The following CMTM3 variants were observed in gnomAD, a reference collection of about 807,000 sequenced individuals.
CMTM3 encodes CKLF-like MARVEL transmembrane domain-containing protein 3.
A neutral mutation model predicts 18.2 loss-of-function variants in CMTM3; 7 were observed. That is an observed-to-expected ratio of 0.38 (90% CI 0.22 to 0.72). The LOEUF is 0.72. Among genes scored for constraint, CMTM3 ranks in the 30% least tolerant of loss-of-function variants. The pLI is 0.46. For synonymous variants in CMTM3, 109 were observed against 111.2 expected, an observed-to-expected ratio of 0.98 and a Z score of 0.12; for missense variants, 227 against 249.2, an observed-to-expected ratio of 0.91 and a Z score of 0.60.
chr16:66,607,930 G>T (rs559342374), intron 1 of CMTM3, among the ~76,000 whole-genome samples: 4 of 151,496 alleles, frequency 2.6e-5, no homozygotes, highest in Non-Finnish European at 5.9e-5. Flanking sequence ...CTGCAGCCTC[G>T]ACCTCCCCGG....
Position 66,608,575 on chromosome 16 carries a change from C to A in CMTM3, c.303+111C>A. 1 of 1,123,546 alleles carries A rather than the reference C, an allele frequency of 8.9e-7. No individual in the cohort carries two copies. Among genetic ancestry groups the A allele is most frequent in the Non-Finnish European group, 1.3e-6 (1 of 789,200 alleles). 69.6% of individuals were successfully genotyped at this position (1,123,546 alleles called of 1,614,324 possible). A position where few individuals can be genotyped will look rare whatever the true frequency, so the allele number is the denominator to read the frequency against. The stretch of plus-strand genomic sequence containing the variant: ...CCTTTCTCTAGTGTGCTGGAGTTTG[C>A]AGTTGGTTAGAACTGGATGGAGAGA... On this transcript the variant is annotated intron_variant, in intron 2 of 4. Transcript: ENST00000567572. The surrounding 1 kb of genome is among the most constrained non-coding windows in gnomAD (Gnocchi z 5.1).
chr16:66,609,383 C>T lies in CMTM3; in HGVS notation c.304-52C>T. On this transcript the variant is annotated intron_variant, in intron 2 of 4. Transcript: ENST00000567572. This position sits in a 1 kb window ranked among gnomAD's most constrained non-coding sequence, Gnocchi z 4.4. ...CGACCAGGCTGCCAGGCCTCCTCCCCATGCTGTGCTCAGCTCCAGGGGCTC... is the reference window on the plus strand; with the variant it reads ...CGACCAGGCTGCCAGGCCTCCTCCCTATGCTGTGCTCAGCTCCAGGGGCTC... The T allele has an allele frequency of 6.6e-7, 1 of 1,522,616 alleles. No homozygotes were observed. Among genetic ancestry groups the T allele is most frequent in the Non-Finnish European group, 9.0e-7 (1 of 1,108,336 alleles). 94.3% of individuals were successfully genotyped at this position (1,522,616 alleles called of 1,614,324 possible). A position where few individuals can be genotyped will look rare whatever the true frequency, so the allele number is the denominator to read the frequency against.
rs1020982792 is a variant in CMTM3, at chr16:66,612,959, T to C, written c.*322T>C. The C allele has an allele frequency of 9.8e-5, 66 of 676,678 alleles. No individual in the cohort carries two copies. The Middle Eastern group carries it at 1.0e-3, about 11-fold the overall frequency. The allele number at this position is 676,678 out of a possible 1,614,324, so 41.9% of individuals were successfully genotyped here. A position where few individuals can be genotyped will look rare whatever the true frequency, so the allele number is the denominator to read the frequency against. ...GAGACAAAGCAGAGCCTTGTCTGTA[T>C]CTGGGCAGCAGGTGTTCCATGCTGC... On this transcript the variant is annotated 3_prime_UTR_variant, in exon 5 of 5. Coordinates refer to ENST00000567572, the MANE Select transcript of CMTM3 (RefSeq NM_181553.4). The surrounding 1 kb of genome is among the most constrained non-coding windows in gnomAD (Gnocchi z 6.0).
In CMTM3 at chr16:66,613,203, T is replaced by C; in HGVS notation, c.*566T>C. On this transcript the variant is annotated 3_prime_UTR_variant, in exon 5 of 5. Coordinates refer to ENST00000567572, the MANE Select transcript of CMTM3 (RefSeq NM_181553.4). ...CAGGGAGAAATTGACCTTTGCCTTGTCGCCCAGGAAGTGGGGCTCGGCACC... is the reference window on the plus strand; with the variant it reads ...CAGGGAGAAATTGACCTTTGCCTTGCCGCCCAGGAAGTGGGGCTCGGCACC... The C allele has an allele frequency of 1.4e-6, 1 of 694,830 alleles. No homozygotes were observed. Among genetic ancestry groups the C allele is most frequent in the Non-Finnish European group, 2.6e-6 (1 of 379,726 alleles). 43.0% of individuals were successfully genotyped at this position (694,830 alleles called of 1,614,324 possible). A position where few individuals can be genotyped will look rare whatever the true frequency, so the allele number is the denominator to read the frequency against.
chr16:66,604,727 A>C lies in CMTM3; in HGVS notation c.-79A>C. 8.9e-7 allele frequency: 1 copy of C among 1,118,090 alleles called. No homozygotes were observed. The highest frequency in any genetic ancestry group is 1.1e-6 in the Non-Finnish European group (1 of 891,420). The allele number at this position is 1,118,090 out of a possible 1,614,324, so 69.3% of individuals were successfully genotyped here. On this transcript the variant is annotated 5_prime_UTR_variant, in exon 1 of 5. Coordinates refer to ENST00000567572, the MANE Select transcript of CMTM3 (RefSeq NM_181553.4). The stretch of plus-strand genomic sequence containing the variant: ...CCAGTGTCGCCTGCCCTCCTTCCGC[A>C]CAGCCCGGGTTTCCGCTTCCCTCCG...
rs540012489 is a variant in CMTM3 at position 66,610,498 on chromosome 16, G to A, written c.520+495G>A. On this transcript the variant is annotated intron_variant, in intron 4 of 4. Transcript: ENST00000567572. This position sits in a 1 kb window ranked among gnomAD's most constrained non-coding sequence, Gnocchi z 4.6. ...CAATGACGACAGTAAAACAGGAGCCGATAGAGGGAGGGATACAGTAGCTGA... is the reference window on the plus strand; with the variant it reads ...CAATGACGACAGTAAAACAGGAGCCAATAGAGGGAGGGATACAGTAGCTGA... 1.1e-4 allele frequency among the ~76,000 whole-genome samples: 17 copies of A among 152,300 alleles called. No individual in the cohort carries two copies. In the South Asian group the frequency reaches 2.5e-3, roughly 22 times the overall value.
upstream of CMTM3, chr16:66,604,126 T>TGC (rs112822114): frequency 8.4e-3 from 1,278 of 152,158 alleles, 11 homozygotes; most frequent in Non-Finnish European, 0.014. Flanking sequence ...TGTGTGTGTT[T>TGC]GCGCGCGCGC....
Position 66,610,989 on chromosome 16 carries a change from TC to T in CMTM3, c.520+989del. ...GGTTTCCTCAGGCTCTGCAACCTGC[TC>T]CCAGTTGCCCGCAGCAAGTGATCCC... On this transcript the variant is annotated intron_variant, in intron 4 of 4. Transcript: ENST00000567572. This position sits in a 1 kb window ranked among gnomAD's most constrained non-coding sequence, Gnocchi z 4.6. 2.5e-6 allele frequency: 1 copy of T among 398,252 alleles called. No individual in the cohort carries two copies. Among genetic ancestry groups the T allele is most frequent in the Non-Finnish European group, 4.4e-6 (1 of 225,918 alleles). 24.7% of individuals were successfully genotyped at this position (398,252 alleles called of 1,614,324 possible).
At position 66,609,683 on chromosome 16, in the gene CMTM3, G is replaced by T; in HGVS notation, c.399+153G>T. 1 of 1,540,126 alleles carries T rather than the reference G, an allele frequency of 6.5e-7. No homozygotes were observed. Among genetic ancestry groups the T allele is most frequent in the South Asian group, 1.2e-5 (1 of 84,216 alleles). ...TTCCAAAGTCCTCTCATTAAAGACT[G>T]ACTCTACCCGGGGTTTTGAAAGGCT... On this transcript the variant is annotated intron_variant, in intron 3 of 4. Transcript: ENST00000567572. This position sits in a 1 kb window ranked among gnomAD's most constrained non-coding sequence, Gnocchi z 4.4.
Position 66,609,308 on chromosome 16 carries a change from G to C in CMTM3, c.304-127G>C. The C allele has an allele frequency of 1.3e-6, 1 of 762,594 alleles. No individual in the cohort carries two copies. The allele number at this position is 762,594 out of a possible 1,614,324, so 47.2% of individuals were successfully genotyped here. On this transcript the variant is annotated intron_variant, in intron 2 of 4. Transcript: ENST00000567572. The surrounding 1 kb of genome is among the most constrained non-coding windows in gnomAD (Gnocchi z 4.4). ...GACAAGGGCCTAGGCATGTGGGTGG[G>C]GCCAGGATGGGATAGGAGCCCTCAG...
Position 66,609,781 on chromosome 16 carries a change from C to T in CMTM3, c.400-102C>T. 1.2e-6 allele frequency: 2 copies of T among 1,610,854 alleles called. No homozygotes were observed. On this transcript the variant is annotated intron_variant, in intron 3 of 4. Transcript: ENST00000567572. The surrounding 1 kb of genome is among the most constrained non-coding windows in gnomAD (Gnocchi z 4.4). ...CAGGGGTCTGTGCCTGACACTCGGG[C>T]TGTTTGTCCAAGCAGATCTGAAATG...
rs1393343254 is a variant in CMTM3 at position 66,613,297 on chromosome 16, A to G, written c.*660A>G. ...GTGAGATGACCATTCTGGGTCTAAGACTGTTTCAAAGAAGAGCTCATAGAC... is the reference window on the plus strand; with the variant it reads ...GTGAGATGACCATTCTGGGTCTAAGGCTGTTTCAAAGAAGAGCTCATAGAC... On this transcript the variant is annotated 3_prime_UTR_variant, in exon 5 of 5. Coordinates refer to ENST00000567572, the MANE Select transcript of CMTM3 (RefSeq NM_181553.4). 3.3e-6 allele frequency: 2 copies of G among 605,606 alleles called. No individual in the cohort carries two copies. The highest frequency in any genetic ancestry group is 2.8e-5 in the Admixed American group (1 of 35,812). 37.5% of individuals were successfully genotyped at this position (605,606 alleles called of 1,614,324 possible).
Position 66,609,809 on chromosome 16 carries a change from C to T in CMTM3, c.400-74C>T. 6.2e-7 allele frequency: 1 copy of T among 1,613,950 alleles called. No individual in the cohort carries two copies. The highest frequency in any genetic ancestry group is 8.5e-7 in the Non-Finnish European group (1 of 1,179,890). Reference sequence around the variant, plus strand: ...TTTGTCCAAGCAGATCTGAAATGGGCCGTGAGGCTGGGGCAGCAGCCTCCC... The same window carrying T: ...TTTGTCCAAGCAGATCTGAAATGGGTCGTGAGGCTGGGGCAGCAGCCTCCC... On this transcript the variant is annotated intron_variant, in intron 3 of 4. Transcript: ENST00000567572. This position sits in a 1 kb window ranked among gnomAD's most constrained non-coding sequence, Gnocchi z 4.4.
At chr16:66,604,125 T>G (rs1267288014), upstream of CMTM3, 1 of 145,966 alleles carries the variant, frequency 6.9e-6, no homozygotes, top group Non-Finnish European at 1.5e-5. Flanking sequence ...CTGTGTGTGT[T>G]TGCGCGCGCG....
Position 66,612,084 on chromosome 16 carries a change from C to T in CMTM3, c.521-525C>T, listed in dbSNP as rs165055. Among the ~76,000 whole-genome samples, 7,600 of 152,206 alleles carry T rather than the reference C, an allele frequency of 0.05. 296 individuals are homozygous for T. The highest frequency in any genetic ancestry group is 0.11 in the Admixed American group (1,746 of 15,300). ...GGGCTTCAGTCTTGGGGTGGAAACACCCCCACCTGCACCCGCACCCACACC... is the reference window on the plus strand; with the variant it reads ...GGGCTTCAGTCTTGGGGTGGAAACATCCCCACCTGCACCCGCACCCACACC... On this transcript the variant is annotated intron_variant, in intron 4 of 4. Transcript: ENST00000567572. This position sits in a 1 kb window ranked among gnomAD's most constrained non-coding sequence, Gnocchi z 6.0.
At position 66,608,002 on chromosome 16, in the gene CMTM3, T is replaced by C. The variant is rs1271540597; in HGVS notation, c.148-307T>C. Among the ~76,000 whole-genome samples the C allele has an allele frequency of 1.3e-5, 2 of 152,090 alleles. No individual in the cohort carries two copies. The highest frequency in any genetic ancestry group is 6.5e-5 in the Admixed American group (1 of 15,272). On this transcript the variant is annotated intron_variant, in intron 1 of 4. Coordinates refer to ENST00000567572, the MANE Select transcript of CMTM3 (RefSeq NM_181553.4). This position sits in a 1 kb window ranked among gnomAD's most constrained non-coding sequence, Gnocchi z 5.1. ...CTGGGATTTCAGGCACACACCACCA[T>C]GCCCGGCTAATTTTTGTATATTTTG... is the stretch of plus-strand genomic sequence containing the variant.
chr16:66,606,104 C>T (rs1256147282), intron 1 of CMTM3, among the ~76,000 whole-genome samples: 2 of 151,952 alleles, frequency 1.3e-5, no homozygotes, highest in African/African-American at 4.8e-5. Context: ...CTGGGCCCAG[C>T]AGATGTCAGG....
intron 1 of CMTM3, among the ~76,000 whole-genome samples, chr16:66,607,214 G>C (rs570238528): frequency 6.6e-6 from 1 of 152,206 alleles, no homozygotes; most frequent in South Asian, 2.1e-4. Context: ...GCTCTGCAGC[G>C]TACCTGGGCT....
rs369344144 is a variant in CMTM3 at position 66,612,153 on chromosome 16, G to A, written c.521-456G>A. On this transcript the variant is annotated intron_variant, in intron 4 of 4. Coordinates refer to ENST00000567572, the MANE Select transcript of CMTM3 (RefSeq NM_181553.4). The surrounding 1 kb of genome is among the most constrained non-coding windows in gnomAD (Gnocchi z 6.0). ...TCTGCGGCCGGGCACGGTGGCTCAC[G>A]CCTGTTACCCCAGCACTTTGGGAGG... Among the ~76,000 whole-genome samples the A allele has an allele frequency of 1.3e-5, 2 of 152,168 alleles. No individual in the cohort carries two copies. The highest frequency in any genetic ancestry group is 6.5e-5 in the Admixed American group (1 of 15,288).
Sources: allele counts gnomAD v4.1 joint callset (sites outside exome capture counted in the v4.1 genomes callset), GRCh38; gene constraint gnomAD v4.1.1; non-coding constraint Gnocchi (gnomAD v3.1); transcripts MANE v1.5; gene names NCBI Gene and HGNC (gene_info 2026-07-23, HGNC 2026-07-21).